The following RYR2 variants were observed in gnomAD, a reference collection of about 807,000 sequenced individuals.
The protein encoded by RYR2 is ryanodine receptor 2.
RYR2 carries 227 observed loss-of-function variants against 601.1 expected under a neutral mutation model. The ratio of observed to expected loss-of-function variants is 0.38; its 90% CI spans 0.34 to 0.42. RYR2 has a LOEUF of 0.42. RYR2 is among the 10% of genes least tolerant of loss of function. RYR2 has a pLI of 1.00. For missense variants in RYR2, 4,646 were observed against 6,156.5 expected, an observed-to-expected ratio of 0.75 and a Z score of 8.21; for synonymous variants, 2,223 against 2,175.1, an observed-to-expected ratio of 1.02 and a Z score of -0.61.
intron 10 of RYR2, among the ~76,000 whole-genome samples, chr1:237,396,831 A>C (rs1009764530): frequency 6.6e-6 from 1 of 152,230 alleles, no homozygotes; most frequent in South Asian, 2.1e-4. Context: ...ATCAAATCTA[A>C]TTCCAAATAG....
chr1:237,295,173 A>T (rs995476281), intron 2 of RYR2, among the ~76,000 whole-genome samples: 1 of 152,080 alleles, frequency 6.6e-6, no homozygotes, highest in South Asian at 2.1e-4. Flanking sequence ...GTAATGAGTT[A>T]TGATGGCTCC....
Position 237,262,816 on chromosome 1 carries a change from C to T in RYR2, c.49-7681C>T, listed in dbSNP as rs561793752. On this transcript the variant is annotated intron_variant, in intron 1 of 104. Transcript: ENST00000366574. Reference sequence around the variant, plus strand: ...ATTCTCAGGACATAACTTAGAGGACCAGTTACACAAAGCCTAAACCTGGAA... The same window carrying T: ...ATTCTCAGGACATAACTTAGAGGACTAGTTACACAAAGCCTAAACCTGGAA... Among the ~76,000 whole-genome samples, 28 of 151,988 alleles carry T rather than the reference C, an allele frequency of 1.8e-4. No homozygotes were observed. In the South Asian group the frequency reaches 5.2e-3, roughly 28 times the overall value.
chr1:237,241,567 G>A (rs75959277), intron 1 of RYR2, among the ~76,000 whole-genome samples: 7,076 of 152,292 alleles, frequency 0.046, 239 homozygotes, highest in Middle Eastern at 0.12. Flanking sequence ...GAGGATAACA[G>A]AGTAAAGAGA....
chr1:237,327,927 T>C (rs1232623631), intron 2 of RYR2, among the ~76,000 whole-genome samples: 1 of 152,182 alleles, frequency 6.6e-6, no homozygotes, highest in Non-Finnish European at 1.5e-5. Context: ...GTGTATAGAA[T>C]CCATGCTCTT....
At chr1:237,374,942 G>A (rs1302277642) in intron 7 of RYR2, 147 bp downstream of exon 7, 2 of 638,946 alleles carry the variant, frequency 3.1e-6, no homozygotes, top group East Asian at 5.6e-5. Flanking sequence ...TTTCCTAGAA[G>A]GGGAAAGTGT....
chr1:237,292,882 G>A (rs1400053379), intron 2 of RYR2, among the ~76,000 whole-genome samples: 1 of 151,968 alleles, frequency 6.6e-6, no homozygotes, highest in Non-Finnish European at 1.5e-5. Flanking sequence ...GCTGCACTTT[G>A]CATTTATTGT....
At chr1:237,423,521 T>C (rs1705801791) in intron 12 of RYR2, among the ~76,000 whole-genome samples, 2 of 152,196 alleles carry the variant, frequency 1.3e-5, no homozygotes, top group Admixed American at 1.3e-4. Flanking sequence ...TATACATACA[T>C]ATTGGGATAG....
At chr1:237,743,912 C>T (rs1240916912) in intron 80 of RYR2, among the ~76,000 whole-genome samples, 1 of 152,178 alleles carries the variant, frequency 6.6e-6, no homozygotes, top group East Asian at 1.9e-4. Flanking sequence ...GGATGACAAA[C>T]TTTTTAAGCC....
At position 237,591,579 on chromosome 1, in the gene RYR2, A is replaced by G. The variant is rs1287746452; in HGVS notation, c.4161-160A>G. On this transcript the variant is annotated intron_variant, in intron 31 of 104. Coordinates refer to ENST00000366574, the MANE Select transcript of RYR2 (RefSeq NM_001035.3). ...GATGCCAGTAGCACTCCATCCCCCA[A>G]ACTGTGAGAACCAAAAACATGTATT... Among the ~76,000 whole-genome samples the G allele has an allele frequency of 2.0e-5, 3 of 152,090 alleles. No homozygotes were observed. In the East Asian group the frequency reaches 5.8e-4, roughly 30 times the overall value.
intron 52 of RYR2, among the ~76,000 whole-genome samples, chr1:237,655,075 T>G (rs1489116355): frequency 6.6e-6 from 1 of 152,330 alleles, no homozygotes; most frequent in East Asian, 1.9e-4. Context: ...TGCTACATAA[T>G]AGAAGAAAAT....
In RYR2 at chr1:237,585,112, C is replaced by A. The variant is rs561880052; in HGVS notation, c.3599-4681C>A. On this transcript the variant is annotated intron_variant, in intron 29 of 104. Coordinates refer to ENST00000366574, the MANE Select transcript of RYR2 (RefSeq NM_001035.3). ...CCTACTGTCTATGGCTGCTTTTGCA[C>A]TATAGCTCAGAGTTGAGTCGTTGCA... Among the ~76,000 whole-genome samples the A allele has an allele frequency of 5.9e-5, 9 of 152,270 alleles. 1 individual carries two copies. In the South Asian group the frequency reaches 1.9e-3, roughly 32 times the overall value.
At chr1:237,604,534 A>G (rs938830885) in intron 35 of RYR2, among the ~76,000 whole-genome samples, 3 of 152,208 alleles carry the variant, frequency 2.0e-5, no homozygotes, top group African/African-American at 7.2e-5. Context: ...GAGCAAACAC[A>G]TTCAAAGGCT....
intron 2 of RYR2, among the ~76,000 whole-genome samples, chr1:237,327,528 T>C (rs1696283024): frequency 6.6e-6 from 1 of 152,196 alleles, no homozygotes; most frequent in East Asian, 1.9e-4. Context: ...GTTTTAAATG[T>C]TACCGGAAAG....
At chr1:237,449,348 CA>C (rs1657783564) in intron 14 of RYR2, among the ~76,000 whole-genome samples, 1 of 152,094 alleles carries the variant, frequency 6.6e-6, no homozygotes, top group African/African-American at 2.4e-5. Context: ...TAATTTGCCA[CA>C]GTCTACCTTT....
At chr1:237,579,837 A>G (rs10925462) in intron 29 of RYR2, among the ~76,000 whole-genome samples, 45,338 of 151,954 alleles carry the variant, frequency 0.3, 7,233 homozygotes, top group East Asian at 0.61. Flanking sequence ...ATTCCCTTAC[A>G]GAATATATCA....
intron 1 of RYR2, among the ~76,000 whole-genome samples, chr1:237,112,921 C>T (rs1669657862): frequency 6.6e-6 from 1 of 151,990 alleles, no homozygotes; most frequent in African/African-American, 2.4e-5. Context: ...TCCCTAAGTG[C>T]CCTACCTTGC....
At chr1:237,275,980 TA>T (rs1690244484) in intron 2 of RYR2, among the ~76,000 whole-genome samples, 2 of 152,304 alleles carry the variant, frequency 1.3e-5, no homozygotes, top group Admixed American at 6.5e-5. Context: ...AAAGGCAAAA[TA>T]AAATTGAAGA....
chr1:237,394,870 T>C (rs56369530), intron 10 of RYR2, among the ~76,000 whole-genome samples: 22,296 of 152,176 alleles, frequency 0.15, 1,868 homozygotes, highest in East Asian at 0.3. Context: ...CTGCAGGCTC[T>C]ATAGGCTGGG....
At chr1:237,137,554 T>A (rs1167099039) in intron 1 of RYR2, among the ~76,000 whole-genome samples, 2 of 152,154 alleles carry the variant, frequency 1.3e-5, no homozygotes, top group African/African-American at 4.8e-5. Flanking sequence ...TTCCGTAAAT[T>A]GGTAGCAAAT....
Sources: gnomAD v4.1 joint callset for allele counts (sites outside exome capture counted in the v4.1 genomes callset) on GRCh38, gnomAD v4.1.1 for gene constraint, MANE v1.5 for transcripts, NCBI Gene and HGNC (gene_info 2026-07-23, HGNC 2026-07-21) for gene names.